TENM4: variants seen among roughly 807,000 people sequenced by gnomAD.
TENM4 encodes teneurin-4.
TENM4 carries 82 observed loss-of-function variants against 243.3 expected under a neutral mutation model. The observed-to-expected ratio is 0.34, with a 90% CI of 0.28 to 0.40. The LOEUF is 0.40. Ranked by LOEUF, TENM4 falls within the 10% of genes least tolerant of loss-of-function variation. The pLI is 1.00. For synonymous variants in TENM4, 1,412 were observed against 1,456.3 expected (o/e 0.97, Z 0.69); for missense variants, 3,138 against 3,673.3 (o/e 0.85, Z 3.77).
At chr11:78,698,356 C>A (rs537970592) in intron 28 of TENM4, among the ~76,000 whole-genome samples, 22 of 152,284 alleles carry the variant, frequency 1.4e-4, no homozygotes, top group African/African-American at 4.8e-4. Flanking sequence ...CATTGCACTC[C>A]AGCCTGGGCA....
intron 6 of TENM4, among the ~76,000 whole-genome samples, chr11:79,053,697 T>C (rs186522568): frequency 6.6e-6 from 1 of 152,034 alleles, no homozygotes; most frequent in Non-Finnish European, 1.5e-5. Context: ...TTGGGGAGAG[T>C]TTTGGGAAGG....
At chr11:79,373,533 G>A (rs1263858250) in intron 1 of TENM4, among the ~76,000 whole-genome samples, 1 of 152,090 alleles carries the variant, frequency 6.6e-6, no homozygotes, top group Non-Finnish European at 1.5e-5. Context: ...TGGGTGGGTG[G>A]GTGGATGGAT....
In TENM4 at chr11:78,880,190, A is replaced by C. The variant is rs1234559010; in HGVS notation, c.1084+9595T>G. Among the ~76,000 whole-genome samples, 5 of 152,294 alleles carry C rather than the reference A, an allele frequency of 3.3e-5. No homozygotes were observed. In the East Asian group the frequency reaches 7.7e-4, roughly 23 times the overall value. On this transcript the variant is annotated intron_variant, in intron 9 of 33. Coordinates refer to ENST00000278550, the MANE Select transcript of TENM4 (RefSeq NM_001098816.3). The stretch of plus-strand genomic sequence containing the variant: ...TGCTCTCTGAAACATGTGCTGTGTC[A>C]ACTCAGGGTTAAATGGATTAAGGGC...
At chr11:79,156,633 T>G (rs1862624967) in intron 3 of TENM4, among the ~76,000 whole-genome samples, 1 of 152,178 alleles carries the variant, frequency 6.6e-6, no homozygotes, top group African/African-American at 2.4e-5. Context: ...CATCCTGAGC[T>G]TCCAGCACCC....
At chr11:79,354,115 G>A (rs1010672125) in intron 1 of TENM4, among the ~76,000 whole-genome samples, 6 of 152,166 alleles carry the variant, frequency 3.9e-5, no homozygotes, top group Admixed American at 6.5e-5. Flanking sequence ...TTATAACATT[G>A]CCCAGATAGA....
intron 1 of TENM4, among the ~76,000 whole-genome samples, chr11:79,352,515 A>C (rs1316076392): frequency 6.6e-6 from 1 of 152,196 alleles, no homozygotes; most frequent in Non-Finnish European, 1.5e-5. Context: ...GAACAGAGAG[A>C]GCCACGGAGC....
At position 79,221,593 on chromosome 11, in the gene TENM4, A is replaced by G. The variant is rs138868878; in HGVS notation, c.-264-5684T>C. Among the ~76,000 whole-genome samples the G allele has an allele frequency of 5.2e-3, 789 of 151,956 alleles. 6 individuals carry two copies. Among genetic ancestry groups the G allele is most frequent in the African/African-American group, 0.018 (750 of 41,450 alleles). On this transcript the variant is annotated intron_variant, in intron 2 of 33. Transcript: ENST00000278550. ...GCCCTGTTCTAGACACTCAGAGCCC[A>G]GTGGAAATCCCTGTGCGTGCTCACC...
intron 1 of TENM4, among the ~76,000 whole-genome samples, chr11:79,360,537 C>A (rs1857572156): frequency 6.6e-6 from 1 of 152,156 alleles, no homozygotes; most frequent in East Asian, 1.9e-4. Context: ...CATATTCCTT[C>A]CTTCAAAATC....
chr11:78,801,414 AG>A (rs1857280365), intron 15 of TENM4, among the ~76,000 whole-genome samples: 1 of 152,240 alleles, frequency 6.6e-6, no homozygotes, highest in African/African-American at 2.4e-5. Context: ...TTTATCAGGA[AG>A]GAAGACCACA....
intron 1 of TENM4, among the ~76,000 whole-genome samples, chr11:79,353,987 G>C (rs568174706): frequency 6.6e-6 from 1 of 152,186 alleles, no homozygotes; most frequent in South Asian, 2.1e-4. Flanking sequence ...TCTTACAGAA[G>C]AATTTTGCCA....
At chr11:79,158,402 C>T (rs1862668242) in intron 3 of TENM4, among the ~76,000 whole-genome samples, 1 of 152,190 alleles carries the variant, frequency 6.6e-6, no homozygotes, top group Admixed American at 6.5e-5. Context: ...GAGCCTGGCT[C>T]TGTCATGATA....
chr11:78,851,003 C>T (rs1415147966), intron 12 of TENM4, among the ~76,000 whole-genome samples: 1 of 152,192 alleles, frequency 6.6e-6, no homozygotes, highest in Non-Finnish European at 1.5e-5. Context: ...GGCTTCACCG[C>T]AGGCCTACTG....
chr11:79,085,331 C>T (rs1216071536), intron 4 of TENM4, among the ~76,000 whole-genome samples: 10 of 149,536 alleles, frequency 6.7e-5, no homozygotes, highest in Non-Finnish European at 1.5e-4. Flanking sequence ...AAGCTGAGAT[C>T]GCGCCACTGC....
intron 6 of TENM4, among the ~76,000 whole-genome samples, chr11:78,924,012 G>T (rs762806689): frequency 6.6e-6 from 1 of 150,724 alleles, no homozygotes; most frequent in Middle Eastern, 3.5e-3. Flanking sequence ...CTGCCACCAC[G>T]CCTGGCTTAT....
intron 6 of TENM4, among the ~76,000 whole-genome samples, chr11:79,029,248 G>T (rs575563265): frequency 6.6e-6 from 1 of 152,122 alleles, no homozygotes; most frequent in South Asian, 2.1e-4. Flanking sequence ...CTGCTCTTAA[G>T]GAGCTCAAAG....
At chr11:78,712,838 C>T (rs1859432421) in intron 25 of TENM4, 124 bp from the exon 26 acceptor site, 2 of 915,320 alleles carry the variant, frequency 2.2e-6, no homozygotes, top group African/African-American at 1.7e-5. Flanking sequence ...GATGATGCCC[C>T]TATTTTGGGT....
intron 6 of TENM4, among the ~76,000 whole-genome samples, chr11:79,044,029 T>A (rs1455911728): frequency 6.6e-6 from 1 of 152,196 alleles, no homozygotes; most frequent in African/African-American, 2.4e-5. Context: ...CAGGGTTACA[T>A]CTGGACTCGG....
chr11:79,212,203 TG>T (rs1377272006), intron 3 of TENM4, among the ~76,000 whole-genome samples: 5 of 152,188 alleles, frequency 3.3e-5, no homozygotes, highest in African/African-American at 1.2e-4. Flanking sequence ...ATGTAGCAGA[TG>T]GTCAATGCTT....
chr11:78,860,153 A>G (rs1327240081), intron 10 of TENM4, among the ~76,000 whole-genome samples: 2 of 152,220 alleles, frequency 1.3e-5, no homozygotes, highest in Non-Finnish European at 2.9e-5. Flanking sequence ...ACCTTTGCAG[A>G]ATCTGTGGCA....
Sources: allele counts gnomAD v4.1 joint callset (sites outside exome capture counted in the v4.1 genomes callset), GRCh38; gene constraint gnomAD v4.1.1; transcripts MANE v1.5; gene names NCBI Gene and HGNC (gene_info 2026-07-23, HGNC 2026-07-21).